Variants in TMEM33 observed in about 807,000 individuals in gnomAD.
TMEM33 encodes the protein transmembrane protein 33.
TMEM33 carries 16 observed loss-of-function variants against 29.7 expected under a neutral mutation model. The observed-to-expected ratio is 0.54, with a 90% confidence interval of 0.36 to 0.82. The LOEUF (loss-of-function observed/expected upper bound fraction) is 0.82. Ranked by LOEUF, TMEM33 falls within the 40% of genes least tolerant of loss-of-function variation. TMEM33 has a pLI of 0.00. For synonymous variants in TMEM33, 112 were observed against 109.4 expected (o/e 1.02, Z -0.15); for missense variants, 252 against 295.3 (o/e 0.85, Z 1.08).
upstream of TMEM33, chr4:41,935,266 C>T (rs1712162633): frequency 3.2e-6 from 2 of 625,598 alleles, no homozygotes; most frequent in East Asian, 5.5e-5. Context: ...GGGACAGGTA[C>T]CTCCCGGCTG....
At chr4:41,945,927 C>T (rs1452689081) in intron 5 of TMEM33, among the ~76,000 whole-genome samples, 1 of 140,478 alleles carries the variant, frequency 7.1e-6, no homozygotes, top group Non-Finnish European at 1.5e-5. Context: ...GCCCATATCA[C>T]GTCACTGCAC....
At chr4:41,935,181 C>T (rs904362039), upstream of TMEM33, 1 of 507,716 alleles carries the variant, frequency 2.0e-6, no homozygotes, top group Admixed American at 3.7e-5. Flanking sequence ...CGTAGGTTGG[C>T]TCTTTAGGGC....
Position 41,952,986 on chromosome 4 carries a change from T to A in TMEM33, c.615-1084T>A, listed in dbSNP as rs546935331. On this transcript the variant is annotated intron_variant, in intron 6 of 6. Transcript: ENST00000504986. ...TTCTTGTTCTGTTTTAAAAAACTAG[T>A]TGAAATTGCCTAAGTTAAATGTGAA... 3.3e-5 allele frequency among the ~76,000 whole-genome samples: 5 copies of A among 152,204 alleles called. No homozygotes were observed. In the East Asian group the frequency reaches 5.8e-4, roughly 18 times the overall value.
intron 6 of TMEM33, among the ~76,000 whole-genome samples, chr4:41,950,347 A>G (rs1712984286): frequency 6.6e-6 from 1 of 152,204 alleles, no homozygotes; most frequent in African/African-American, 2.4e-5. Context: ...TGAGTGCATT[A>G]CAGCAATCTG....
In TMEM33 at chr4:41,960,300, T is replaced by C. The variant is rs1403027358; in HGVS notation, c.*6101T>C. 1 of 152,162 alleles carries C rather than the reference T, an allele frequency of 6.6e-6. No individual in the cohort carries two copies. Among genetic ancestry groups the C allele is most frequent in the Non-Finnish European group, 1.5e-5 (1 of 67,988 alleles). 9.4% of individuals were successfully genotyped at this position (152,162 alleles called of 1,614,324 possible). On this transcript the variant is annotated 3_prime_UTR_variant, in exon 7 of 7. Coordinates refer to ENST00000504986, the MANE Select transcript of TMEM33 (RefSeq NM_018126.3). ...GTGAAAGTAAGCCCTGGGATCCATA[T>C]TTGTTTTGTGTTCTGCTTAAATCAG...
At chr4:41,950,475 CCTT>C (rs1223491029) in intron 6 of TMEM33, among the ~76,000 whole-genome samples, 7 of 152,024 alleles carry the variant, frequency 4.6e-5, no homozygotes, top group Non-Finnish European at 7.4e-5. Flanking sequence ...GGAAATAACT[CCTT>C]CTGGGGGTGA....
chr4:41,957,264 T>G lies in TMEM33; in HGVS notation c.*3065T>G, dbSNP rs1404818424. On this transcript the variant is annotated 3_prime_UTR_variant, in exon 7 of 7. Coordinates refer to ENST00000504986, the MANE Select transcript of TMEM33 (RefSeq NM_018126.3). ...AGAAATTTATTATGCAATTTGTATT[T>G]AGGTTTTTTTTTTTTTTTTTGGAAT... 9.1e-6 allele frequency: 1 copy of G among 110,358 alleles called. No homozygotes were observed. 6.8% of individuals were successfully genotyped at this position (110,358 alleles called of 1,614,324 possible). A position where few individuals can be genotyped will look rare whatever the true frequency, so the allele number is the denominator to read the frequency against.
In TMEM33 at chr4:41,954,310, A is replaced by T; in HGVS notation, c.*111A>T. The T allele has an allele frequency of 9.2e-7, 1 of 1,091,544 alleles. No homozygotes were observed. Among genetic ancestry groups the T allele is most frequent in the Non-Finnish European group, 1.3e-6 (1 of 786,256 alleles). The allele number at this position is 1,091,544 out of a possible 1,614,324, so 67.6% of individuals were successfully genotyped here. ...CACTGACCTCAATCCAATTTACATA[A>T]TTTACATAAATGCATCTCGGTGGAA... On this transcript the variant is annotated 3_prime_UTR_variant, in exon 7 of 7. Coordinates refer to ENST00000504986, the MANE Select transcript of TMEM33 (RefSeq NM_018126.3).
At chr4:41,946,047 T>A (rs115871751) in intron 5 of TMEM33, among the ~76,000 whole-genome samples, 2,597 of 148,152 alleles carry the variant, frequency 0.018, 36 homozygotes, top group South Asian at 0.025. Flanking sequence ...TATGTTTTCA[T>A]AACCTAATTG....
chr4:41,958,149 T>G lies in TMEM33; in HGVS notation c.*3950T>G, dbSNP rs548893848. ...CTTCAGCCCTCCAAGTAGCTGGGGTTACAGGTGCCCGCCACCATGCCCAGC... is the reference window on the plus strand; with the variant it reads ...CTTCAGCCCTCCAAGTAGCTGGGGTGACAGGTGCCCGCCACCATGCCCAGC... On this transcript the variant is annotated 3_prime_UTR_variant, in exon 7 of 7. Transcript: ENST00000504986. 6.6e-6 allele frequency: 1 copy of G among 152,306 alleles called. No homozygotes were observed. Among genetic ancestry groups the G allele is most frequent in the Non-Finnish European group, 1.5e-5 (1 of 68,166 alleles). 9.4% of individuals were successfully genotyped at this position (152,306 alleles called of 1,614,324 possible).
In TMEM33 at chr4:41,939,625, A is replaced by G. The variant is rs529737097; in HGVS notation, c.328+242A>G. 33 of 579,714 alleles carry G rather than the reference A, an allele frequency of 5.7e-5. 1 individual carries two copies. Among genetic ancestry groups the G allele is most frequent in the South Asian group, 4.9e-4 (31 of 63,764 alleles). The allele number at this position is 579,714 out of a possible 1,614,324, so 35.9% of individuals were successfully genotyped here. A position where few individuals can be genotyped will look rare whatever the true frequency, so the allele number is the denominator to read the frequency against. ...TGCCTCTTGTAAGCTTCCCTATTAG[A>G]ATGGATATTTTCAAATTCCCCTTCG... On this transcript the variant is annotated intron_variant, in intron 3 of 6. Coordinates refer to ENST00000504986, the MANE Select transcript of TMEM33 (RefSeq NM_018126.3).
intron 5 of TMEM33, among the ~76,000 whole-genome samples, chr4:41,945,180 TG>T (rs1712728610): frequency 6.6e-6 from 1 of 152,224 alleles, no homozygotes. Context: ...TTACCACCTT[TG>T]AAAGAATCTT....
At chr4:41,942,226 ATCAGTT>A (rs1712573957) in intron 3 of TMEM33, among the ~76,000 whole-genome samples, 1 of 152,234 alleles carries the variant, frequency 6.6e-6, no homozygotes, top group South Asian at 2.1e-4. Flanking sequence ...TGTAGCTTCC[ATCAGTT>A]TCAAAGTAGT....
At chr4:41,941,493 C>T (rs1180040944) in intron 3 of TMEM33, among the ~76,000 whole-genome samples, 1 of 152,176 alleles carries the variant, frequency 6.6e-6, no homozygotes, top group African/African-American at 2.4e-5. Context: ...GGAACAGTGC[C>T]TCACACAGAT....
rs2153128281 is a variant in TMEM33 at position 41,955,394 on chromosome 4, T to C, written c.*1195T>C. ...TTCATTGAACTCCCATCAACTCTTA[T>C]AAAATTCATGCTGATCTTCATTACC... On this transcript the variant is annotated 3_prime_UTR_variant, in exon 7 of 7. Transcript: ENST00000504986. The C allele has an allele frequency of 6.6e-6, 1 of 152,596 alleles. No individual in the cohort carries two copies. The highest frequency in any genetic ancestry group is 1.5e-5 in the Non-Finnish European group (1 of 68,028). The allele number at this position is 152,596 out of a possible 1,614,324, so 9.5% of individuals were successfully genotyped here.
intron 5 of TMEM33, among the ~76,000 whole-genome samples, chr4:41,947,593 A>G (rs1712852314): frequency 6.6e-6 from 1 of 152,258 alleles, no homozygotes; most frequent in African/African-American, 2.4e-5. Context: ...GTTTAAATAG[A>G]GAAATAATTT....
intron 3 of TMEM33, among the ~76,000 whole-genome samples, chr4:41,940,447 G>T (rs1712483958): frequency 6.6e-6 from 1 of 151,988 alleles, no homozygotes; most frequent in African/African-American, 2.4e-5. Flanking sequence ...TTTTTAAATA[G>T]ATTTTTATAA....
chr4:41,935,199 C>T (rs899645008), upstream of TMEM33: 2 of 555,034 alleles, frequency 3.6e-6, no homozygotes, highest in Non-Finnish European at 6.4e-6. Flanking sequence ...GGCTTCACCC[C>T]GAAGCTCCAC....
intron 4 of TMEM33, 40 bp downstream of exon 4, chr4:41,943,854 A>C: frequency 6.4e-7 from 1 of 1,574,156 alleles, no homozygotes; most frequent in Non-Finnish European, 8.7e-7. Flanking sequence ...TGAATTACAG[A>C]TCATTGACAT....
Sources: allele counts gnomAD v4.1 joint callset (sites outside exome capture counted in the v4.1 genomes callset), GRCh38; gene constraint gnomAD v4.1.1; transcripts MANE v1.5; gene names NCBI Gene and HGNC (gene_info 2026-07-23, HGNC 2026-07-21).